FBXO31: variants seen among roughly 807,000 people sequenced by gnomAD.
FBXO31 encodes F-box only protein 31.
Under a neutral mutation model 54.4 loss-of-function variants are expected in FBXO31, and 24 were observed. The observed-to-expected ratio is 0.44, with a 90% CI of 0.32 to 0.62. The LOEUF (loss-of-function observed/expected upper bound fraction) is 0.62, where lower values mean the gene tolerates loss of function less well. FBXO31 is among the 20% of genes least tolerant of loss of function. The pLI is 0.05. For missense variants in FBXO31, 665 were observed against 787.1 expected, an observed-to-expected ratio of 0.84 and a Z score of 1.86; for synonymous variants, 388 against 335.6, an observed-to-expected ratio of 1.16 and a Z score of -1.71.
intron 5 of FBXO31, among the ~76,000 whole-genome samples, chr16:87,340,949 T>C (rs1208580658): frequency 6.6e-6 from 1 of 152,122 alleles, no homozygotes; most frequent in African/African-American, 2.4e-5. Flanking sequence ...CAAACCCACT[T>C]GAAACCCGCC....
intron 5 of FBXO31, among the ~76,000 whole-genome samples, chr16:87,341,655 C>CAAAA (rs397854967): frequency 1.4e-5 from 1 of 70,680 alleles, no homozygotes; most frequent in Non-Finnish European, 2.6e-5. Flanking sequence ...GACTCCGTCT[C>CAAAA]AAAAAAAAAA....
intron 2 of FBXO31, among the ~76,000 whole-genome samples, chr16:87,350,718 G>C (rs1905615014): frequency 1.4e-5 from 2 of 147,538 alleles, no homozygotes; most frequent in African/African-American, 2.4e-5. Flanking sequence ...TGAAATACTG[G>C]GGTTAAAAAA....
At chr16:87,365,022 T>TTTAA (rs1567482775) in intron 1 of FBXO31, among the ~76,000 whole-genome samples, 1 of 100,250 alleles carries the variant, frequency 1.0e-5, no homozygotes, top group Non-Finnish European at 2.0e-5. Context: ...TATATATATA[T>TTTAA]ATATATATAT....
intron 2 of FBXO31, among the ~76,000 whole-genome samples, chr16:87,348,332 T>C (rs190930172): frequency 2.0e-5 from 3 of 152,314 alleles, no homozygotes; most frequent in Non-Finnish European, 2.9e-5. Context: ...CCTTGGATGC[T>C]AAATGCCTGA....
chr16:87,344,204 T>C (rs1380447785), intron 3 of FBXO31, among the ~76,000 whole-genome samples: 1 of 152,224 alleles, frequency 6.6e-6, no homozygotes, highest in Non-Finnish European at 1.5e-5. Flanking sequence ...GACACGGAGA[T>C]GCAGGAAACA....
intron 1 of FBXO31, among the ~76,000 whole-genome samples, chr16:87,365,035 A>ATATATATATATATATATATATATC (rs1567482806): frequency 4.8e-5 from 5 of 104,198 alleles, no homozygotes; most frequent in Non-Finnish European, 1.0e-4. Context: ...ATATATATAT[A>ATATATATATATATATATATATATC]TATATCAGGC....
At chr16:87,390,307 T>C (rs1361416445), upstream of FBXO31, among the ~76,000 whole-genome samples, 2 of 152,006 alleles carry the variant, frequency 1.3e-5, no homozygotes, top group East Asian at 3.8e-4. Context: ...AAATAAACAG[T>C]GGTGTAATAA....
intron 1 of FBXO31, among the ~76,000 whole-genome samples, chr16:87,372,627 C>T (rs1272952065): frequency 6.6e-6 from 1 of 152,058 alleles, no homozygotes; most frequent in Non-Finnish European, 1.5e-5. Context: ...GTGGTAAGAT[C>T]GCAGGTCACT....
chr16:87,339,324 C>T (rs1267233090), intron 5 of FBXO31, among the ~76,000 whole-genome samples: 1 of 152,228 alleles, frequency 6.6e-6, no homozygotes, highest in Non-Finnish European at 1.5e-5. Context: ...TACCTGCTCT[C>T]TGGCCTTTAG....
intron 2 of FBXO31, among the ~76,000 whole-genome samples, chr16:87,357,811 T>C (rs951301751): frequency 2.0e-5 from 3 of 151,964 alleles, no homozygotes; most frequent in African/African-American, 4.8e-5. Flanking sequence ...TGTATGCCTG[T>C]AATCCTAGCT....
At position 87,338,723 on chromosome 16, in the gene FBXO31, C is replaced by T. The variant is rs1180698914; in HGVS notation, c.733-2459G>A. On this transcript the variant is annotated intron_variant, in intron 5 of 8. Transcript: ENST00000311635. This position sits in a 1 kb window ranked among gnomAD's most constrained non-coding sequence, Gnocchi z 4.3. Reference sequence around the variant, plus strand: ...AGGGATGCCAAAGAGACTGCATTGCCCTCGAAGCCTCCCCTGTCCAGAGCC... The same window carrying T: ...AGGGATGCCAAAGAGACTGCATTGCTCTCGAAGCCTCCCCTGTCCAGAGCC... Among the ~76,000 whole-genome samples, 1 of 152,120 alleles carries T rather than the reference C, an allele frequency of 6.6e-6. No individual in the cohort carries two copies. The highest frequency in any genetic ancestry group is 1.5e-5 in the Non-Finnish European group (1 of 68,026).
chr16:87,372,849 G>C (rs1354222699), intron 1 of FBXO31, among the ~76,000 whole-genome samples: 2 of 149,530 alleles, frequency 1.3e-5, no homozygotes, highest in Admixed American at 6.8e-5. Context: ...TAGTTCTTCT[G>C]CCTCAGCCTC....
rs2278272 is a variant in FBXO31 at position 87,328,396 on chromosome 16, C to T, written c.*2892G>A. On this transcript the variant is annotated 3_prime_UTR_variant, in exon 9 of 9. Transcript: ENST00000311635. ...TGTCAGGGCAGGGATGCCACAGAGC[C>T]GCAGGCAGACTGAAGGGGCCCAGGG... 0.14 allele frequency: 21,049 copies of T among 152,388 alleles called. 1,751 individuals carry two copies. Among genetic ancestry groups the T allele is most frequent in the South Asian group, 0.34 (1,620 of 4,832 alleles). The allele number at this position is 152,388 out of a possible 1,614,324, so 9.4% of individuals were successfully genotyped here.
At chr16:87,360,479 T>A in intron 1 of FBXO31, 113 bp from the exon 2 acceptor site, 1 of 803,620 alleles carries the variant, frequency 1.2e-6, no homozygotes. Context: ...CAGCCCCATC[T>A]CCAGAGTGCA....
upstream of FBXO31, chr16:87,384,064 A>G (rs940611690): frequency 1.8e-5 from 3 of 170,744 alleles, no homozygotes; most frequent in Non-Finnish European, 2.5e-5. Context: ...AGATTATGAG[A>G]CTGACGCGCT....
chr16:87,364,082 T>A (rs1226244072), intron 1 of FBXO31, among the ~76,000 whole-genome samples: 1 of 152,078 alleles, frequency 6.6e-6, no homozygotes, highest in Non-Finnish European at 1.5e-5. Context: ...TCCATTATAA[T>A]CTTATTTTGG....
Position 87,383,381 on chromosome 16 carries a change from G to GCCCC in FBXO31, c.340+20_340+23dup. 1.3e-4 allele frequency: 191 copies of GCCCC among 1,417,012 alleles called. No homozygotes were observed. The highest frequency in any genetic ancestry group is 1.7e-4 in the Non-Finnish European group (174 of 1,041,146). 87.8% of individuals were successfully genotyped at this position (1,417,012 alleles called of 1,614,324 possible). On this transcript the variant is annotated intron_variant, in intron 1 of 8. Transcript: ENST00000311635. The surrounding 1 kb of genome is among the most constrained non-coding windows in gnomAD (Gnocchi z 4.9). ...TGGCAGGGACCCCCCGCCCCTCCCG[G>GCCCC]CCCCGCCACCCCCGCGCGCTCACCC...
At chr16:87,389,811 TGTGAA>T (rs1192220190) in exon 1 of FBXO31, 1 of 152,170 alleles carries the variant, frequency 6.6e-6, no homozygotes, top group Non-Finnish European at 1.5e-5. Flanking sequence ...TCCTAGATCA[TGTGAA>T]GGCACAGCTT....
At chr16:87,342,069 T>G (rs1905212990) in intron 5 of FBXO31, among the ~76,000 whole-genome samples, 1 of 152,130 alleles carries the variant, frequency 6.6e-6, no homozygotes, top group South Asian at 2.1e-4. Flanking sequence ...TGGCTAATTT[T>G]TTGTTTTTCC....
Sources: allele counts gnomAD v4.1 joint callset (sites outside exome capture counted in the v4.1 genomes callset), GRCh38; gene constraint gnomAD v4.1.1; non-coding constraint Gnocchi (gnomAD v3.1); transcripts MANE v1.5; gene names NCBI Gene and HGNC (gene_info 2026-07-23, HGNC 2026-07-21).